Variants in GAS7 observed in about 807,000 individuals in gnomAD.
GAS7 encodes growth arrest specific 7.
Under a neutral mutation model 71.1 loss-of-function variants are expected in GAS7, and 28 were observed. The ratio of observed to expected loss-of-function variants is 0.39; its 90% CI spans 0.29 to 0.54. The LOEUF (loss-of-function observed/expected upper bound fraction) is 0.54. GAS7 is among the 20% of genes least tolerant of loss of function. The pLI is 0.62. For missense variants in GAS7, 436 were observed against 627.8 expected (o/e 0.69, Z 3.27); for synonymous variants, 258 against 245.8 (o/e 1.05, Z -0.46).
intron 1 of GAS7, among the ~76,000 whole-genome samples, chr17:10,166,011 C>CTTTTTTTT (rs11356429): frequency 2.1e-5 from 3 of 143,170 alleles, no homozygotes; most frequent in Non-Finnish European, 3.0e-5. Flanking sequence ...TTTTCTTTTT[C>CTTTTTTTT]TTTTTTTTTT....
chr17:10,166,349 G>T (rs1409800431), intron 1 of GAS7, among the ~76,000 whole-genome samples: 1 of 152,148 alleles, frequency 6.6e-6, no homozygotes, highest in Non-Finnish European at 1.5e-5. Context: ...CCTTTCCAGG[G>T]GATGGGGGCC....
intron 13 of GAS7, 63 bp from the exon 14 acceptor site, chr17:9,917,404 C>T: frequency 2.6e-6 from 3 of 1,141,622 alleles, no homozygotes; most frequent in Non-Finnish European, 4.0e-6. Flanking sequence ...GAGGTCTCCT[C>T]TGAGACATGC....
chr17:9,915,490 CT>C lies in GAS7; in HGVS notation c.*1737del. On this transcript the variant is annotated 3_prime_UTR_variant, in exon 14 of 14. Coordinates refer to ENST00000432992, the MANE Select transcript of GAS7 (RefSeq NM_201433.2). ...AGGAGGTCTTCACGTAGGTGAAGGC[CT>C]TTGTGCTGACCTTTTTGGTTGCAAT... 4.4e-6 allele frequency: 1 copy of C among 229,188 alleles called. No homozygotes were observed. Among genetic ancestry groups the C allele is most frequent in the Non-Finnish European group, 8.7e-6 (1 of 115,350 alleles). The allele number at this position is 229,188 out of a possible 1,614,324, so 14.2% of individuals were successfully genotyped here.
intron 1 of GAS7, among the ~76,000 whole-genome samples, chr17:10,192,635 G>A (rs550013708): frequency 4.6e-5 from 7 of 152,242 alleles, no homozygotes; most frequent in African/African-American, 1.7e-4. Flanking sequence ...TGTTGCTAAG[G>A]GAACTTTTGT....
intron 5 of GAS7, chr17:9,958,853 G>T (rs2069356682): frequency 4.8e-6 from 2 of 420,600 alleles, no homozygotes; most frequent in Non-Finnish European, 7.1e-6. Flanking sequence ...CCCTGCCGTG[G>T]CTGTAATTTA....
chr17:9,976,623 C>T (rs975106695), intron 3 of GAS7, among the ~76,000 whole-genome samples: 1 of 152,198 alleles, frequency 6.6e-6, no homozygotes, highest in Non-Finnish European at 1.5e-5. Flanking sequence ...CCTTGCCCTT[C>T]AGCCTCTGCA....
At chr17:9,982,641 G>A (rs950740925) in intron 2 of GAS7, among the ~76,000 whole-genome samples, 1 of 152,016 alleles carries the variant, frequency 6.6e-6, no homozygotes, top group Non-Finnish European at 1.5e-5. Flanking sequence ...GCCAGGCGTG[G>A]TGGCACGTGC....
chr17:10,179,132 C>A (rs1490567867), intron 1 of GAS7, among the ~76,000 whole-genome samples: 1 of 151,964 alleles, frequency 6.6e-6, no homozygotes, highest in Non-Finnish European at 1.5e-5. Context: ...GAGTTCGAGA[C>A]CAGCCTGACC....
At chr17:10,160,105 C>T (rs2074240207) in intron 1 of GAS7, among the ~76,000 whole-genome samples, 1 of 152,080 alleles carries the variant, frequency 6.6e-6, no homozygotes, top group African/African-American at 2.4e-5. Flanking sequence ...AGGGTTTCCC[C>T]ATATTGCCCA....
rs924792200 is a variant in GAS7, at chr17:10,156,136, T to C, written c.183+42072A>G. 9.8e-5 allele frequency among the ~76,000 whole-genome samples: 15 copies of C among 152,354 alleles called. 2 individuals carry two copies. Among genetic ancestry groups the C allele is most frequent in the Admixed American group, 6.5e-4 (10 of 15,308 alleles). ...CCACCCATCCTTAGCTCCGCCACAA[T>C]GTCCCTCTCTTTCCATCACTTTTTT... On this transcript the variant is annotated intron_variant, in intron 1 of 13. Coordinates refer to ENST00000432992, the MANE Select transcript of GAS7 (RefSeq NM_201433.2).
chr17:9,980,328 T>C (rs976286461), intron 3 of GAS7, among the ~76,000 whole-genome samples: 1 of 152,192 alleles, frequency 6.6e-6, no homozygotes, highest in Non-Finnish European at 1.5e-5. Flanking sequence ...GGTGAGGATC[T>C]GGCCACTCGC....
chr17:9,924,559 T>C (rs1338434365), intron 11 of GAS7: 1 of 135,170 alleles, frequency 7.4e-6, no homozygotes, highest in Non-Finnish European at 1.6e-5. Flanking sequence ...AAATATACTG[T>C]GCCCTCTACT....
intron 9 of GAS7, among the ~76,000 whole-genome samples, chr17:9,927,290 TAC>T (rs371084335): frequency 0.046 from 5,359 of 116,846 alleles, 179 homozygotes; most frequent in East Asian, 0.11. Context: ...CTCTACTACA[TAC>T]ACACACACAC....
At chr17:10,179,736 C>T (rs1202151733) in intron 1 of GAS7, among the ~76,000 whole-genome samples, 1 of 152,082 alleles carries the variant, frequency 6.6e-6, no homozygotes, top group Non-Finnish European at 1.5e-5. Context: ...ACCAGACAAA[C>T]AGAACCAAGA....
At chr17:9,986,905 C>T (rs2070671070) in intron 2 of GAS7, among the ~76,000 whole-genome samples, 1 of 152,226 alleles carries the variant, frequency 6.6e-6, no homozygotes, top group Admixed American at 6.5e-5. Context: ...CCAGGCCAGG[C>T]AGACATCTGG....
chr17:10,022,073 C>T (rs1250928403), intron 1 of GAS7, among the ~76,000 whole-genome samples: 1 of 152,070 alleles, frequency 6.6e-6, no homozygotes, highest in Non-Finnish European at 1.5e-5. Context: ...GCCTGGGCAA[C>T]ATAGGAAGAC....
intron 2 of GAS7, among the ~76,000 whole-genome samples, chr17:9,993,064 T>G (rs890481534): frequency 1.4e-4 from 22 of 152,226 alleles, no homozygotes; most frequent in South Asian, 6.2e-4. Context: ...GCAATAAACA[T>G]ACATGTGCAT....
rs577211104 is a variant in GAS7 at position 10,171,402 on chromosome 17, C to T, written c.183+26806G>A. Reference sequence around the variant, plus strand: ...AGAATAGCTCCTTAAATCAGGTCTTCGGGTAACAAATGAGGAACACATCAA... The same window carrying T: ...AGAATAGCTCCTTAAATCAGGTCTTTGGGTAACAAATGAGGAACACATCAA... On this transcript the variant is annotated intron_variant, in intron 1 of 13. Transcript: ENST00000432992. Among the ~76,000 whole-genome samples the T allele has an allele frequency of 3.3e-5, 5 of 152,256 alleles. No homozygotes were observed. The South Asian group carries it at 1.0e-3, about 32-fold the overall frequency.
chr17:10,007,940 C>G (rs1214774370), intron 2 of GAS7, among the ~76,000 whole-genome samples: 1 of 152,104 alleles, frequency 6.6e-6, no homozygotes, highest in African/African-American at 2.4e-5. Flanking sequence ...CTGTGGATTT[C>G]TCTATTCTAG....
Sources: gnomAD v4.1 joint callset for allele counts (sites outside exome capture counted in the v4.1 genomes callset) on GRCh38, gnomAD v4.1.1 for gene constraint, MANE v1.5 for transcripts, NCBI Gene and HGNC (gene_info 2026-07-23, HGNC 2026-07-21) for gene names.